Variants in CDH4 observed in about 807,000 individuals in gnomAD.
CDH4 encodes cadherin 4.
A neutral mutation model predicts 86.0 loss-of-function variants in CDH4; 33 were observed. The ratio of observed to expected loss-of-function variants is 0.38; its 90% CI spans 0.29 to 0.51. CDH4 has a LOEUF of 0.51. Among genes scored for constraint, CDH4 ranks in the 20% least tolerant of loss-of-function variants. The probability of loss-of-function intolerance (pLI) is 0.86; values close to 1 mark genes in which losing one functional copy is unlikely to be tolerated. For synonymous variants in CDH4, 555 were observed against 549.4 expected, an observed-to-expected ratio of 1.01 and a Z score of -0.14; for missense variants, 1,114 against 1,307.4, an observed-to-expected ratio of 0.85 and a Z score of 2.28.
chr20:61,551,771 A>T (rs1430013510), intron 2 of CDH4, among the ~76,000 whole-genome samples: 1 of 152,266 alleles, frequency 6.6e-6, no homozygotes, highest in African/African-American at 2.4e-5. Flanking sequence ...TGGTACTCAC[A>T]TAAGGATAGA....
At chr20:61,931,193 T>C (rs551002452) in intron 13 of CDH4, among the ~76,000 whole-genome samples, 15 of 152,374 alleles carry the variant, frequency 9.8e-5, no homozygotes, top group Admixed American at 3.3e-4. Flanking sequence ...AGAGTGGAGC[T>C]GACCTCTTCA....
intron 15 of CDH4, among the ~76,000 whole-genome samples, chr20:61,935,868 A>G (rs1419774316): frequency 6.6e-6 from 1 of 152,232 alleles, no homozygotes; most frequent in Non-Finnish European, 1.5e-5. Context: ...CCTGCAAGAC[A>G]GAGCAAAACT....
intron 2 of CDH4, among the ~76,000 whole-genome samples, chr20:61,479,944 T>C (rs1454564962): frequency 6.6e-6 from 1 of 152,204 alleles, no homozygotes; most frequent in Non-Finnish European, 1.5e-5. Context: ...GTTCATTTTC[T>C]TTTTCTTCTG....
intron 2 of CDH4, among the ~76,000 whole-genome samples, chr20:61,573,741 G>A (rs2086362595): frequency 6.6e-6 from 1 of 152,200 alleles, no homozygotes. Context: ...AACAGCCGAT[G>A]TGCTCTGGGC....
rs77170936 is a variant in CDH4 at position 61,779,652 on chromosome 20, T to C, written c.576+6470T>C. ...CCATTGCTTCACATCCAGCCACAAA[T>C]ACTTACACCGTTCTATGTGAACAGA... On this transcript the variant is annotated intron_variant, in intron 4 of 15. Coordinates refer to ENST00000614565, the MANE Select transcript of CDH4 (RefSeq NM_001794.5). Among the ~76,000 whole-genome samples the C allele has an allele frequency of 9.8e-3, 1,489 of 152,342 alleles. 12 individuals are homozygous for C. The highest frequency in any genetic ancestry group is 0.015 in the Non-Finnish European group (1,028 of 68,020).
At chr20:61,343,717 T>C (rs756463618) in intron 2 of CDH4, among the ~76,000 whole-genome samples, 5 of 152,192 alleles carry the variant, frequency 3.3e-5, no homozygotes, top group African/African-American at 4.8e-5. Context: ...CTGAAGATGT[T>C]AGGTGCTCTT....
intron 2 of CDH4, among the ~76,000 whole-genome samples, chr20:61,620,329 T>C (rs926831206): frequency 4.0e-5 from 6 of 150,816 alleles, no homozygotes; most frequent in Non-Finnish European, 1.5e-5. Context: ...GATGGATGGA[T>C]GGATAGATGG....
At chr20:61,331,723 G>GCCCC (rs1432369246) in intron 2 of CDH4, among the ~76,000 whole-genome samples, 7 of 45,868 alleles carry the variant, frequency 1.5e-4, no homozygotes, top group South Asian at 9.1e-4. Flanking sequence ...CCGACCACCT[G>GCCCC]ACAGAAATGA....
intron 4 of CDH4, among the ~76,000 whole-genome samples, chr20:61,774,018 G>A (rs960694950): frequency 3.3e-5 from 5 of 152,194 alleles, no homozygotes; most frequent in Admixed American, 2.0e-4. Context: ...GGCCACCAGG[G>A]GACCCCACCA....
At chr20:61,590,391 C>T (rs1023054664) in intron 2 of CDH4, among the ~76,000 whole-genome samples, 1 of 152,144 alleles carries the variant, frequency 6.6e-6, no homozygotes, top group Non-Finnish European at 1.5e-5. Flanking sequence ...GTTTCCTGCA[C>T]CTGCAGCAGG....
intron 7 of CDH4, among the ~76,000 whole-genome samples, chr20:61,882,606 G>A (rs969224801): frequency 1.3e-5 from 2 of 152,148 alleles, no homozygotes; most frequent in African/African-American, 2.4e-5. Context: ...CCTCCCTCCC[G>A]GGGTTCCGAC....
chr20:61,578,609 G>T (rs751557468), intron 2 of CDH4, among the ~76,000 whole-genome samples: 1 of 152,156 alleles, frequency 6.6e-6, no homozygotes, highest in Admixed American at 6.5e-5. Flanking sequence ...TCACAGAGCC[G>T]ACTCAAGGGG....
At chr20:61,778,307 A>T (rs1978356838) in intron 4 of CDH4, among the ~76,000 whole-genome samples, 1 of 152,188 alleles carries the variant, frequency 6.6e-6, no homozygotes, top group Admixed American at 6.5e-5. Flanking sequence ...TTCAGCTGGG[A>T]TCAGCTGCAG....
chr20:61,784,597 C>A lies in CDH4; in HGVS notation c.576+11415C>A, dbSNP rs111640921. On this transcript the variant is annotated intron_variant, in intron 4 of 15. Transcript: ENST00000614565. ...ATCCCAGTTCCTCGGGACAGTTCTC[C>A]AGGCCCTCCGATATCCTGTGCCCCC... Among the ~76,000 whole-genome samples the A allele has an allele frequency of 3.8e-3, 257 of 68,058 alleles. 2 individuals are homozygous for A. Among genetic ancestry groups the A allele is most frequent in the Middle Eastern group, 7.8e-3 (1 of 128 alleles). The allele number at this position is 68,058 out of a possible 152,430, so 44.6% of individuals were successfully genotyped here.
At chr20:61,743,187 T>C (rs1237253734) in intron 2 of CDH4, among the ~76,000 whole-genome samples, 2 of 152,156 alleles carry the variant, frequency 1.3e-5, no homozygotes, top group Non-Finnish European at 2.9e-5. Context: ...AAGATTTGCA[T>C]AGGCAAGAGT....
At chr20:61,300,073 G>T (rs909817380) in intron 2 of CDH4, among the ~76,000 whole-genome samples, 1 of 152,070 alleles carries the variant, frequency 6.6e-6, no homozygotes, top group Non-Finnish European at 1.5e-5. Context: ...TCTTCTGCAC[G>T]CTGACTGGCC....
chr20:61,315,151 G>C (rs951651236), intron 2 of CDH4, among the ~76,000 whole-genome samples: 1 of 152,062 alleles, frequency 6.6e-6, no homozygotes, highest in Non-Finnish European at 1.5e-5. Context: ...AAGGGGGACC[G>C]GCCTCATCCT....
At chr20:61,735,507 C>A (rs1402769829) in intron 2 of CDH4, among the ~76,000 whole-genome samples, 2 of 152,124 alleles carry the variant, frequency 1.3e-5, no homozygotes, top group African/African-American at 4.8e-5. Context: ...CAATGCAGAC[C>A]CCCAAGGGGT....
At chr20:61,908,602 G>A (rs1288125199) in intron 8 of CDH4, among the ~76,000 whole-genome samples, 4 of 152,186 alleles carry the variant, frequency 2.6e-5, no homozygotes, top group South Asian at 2.1e-4. Flanking sequence ...CTGGCCGCCC[G>A]ACGCCCGTTT....
Sources: allele counts gnomAD v4.1 joint callset (sites outside exome capture counted in the v4.1 genomes callset), GRCh38; gene constraint gnomAD v4.1.1; transcripts MANE v1.5; gene names NCBI Gene and HGNC (gene_info 2026-07-23, HGNC 2026-07-21).